Variants in VEPH1 observed in about 807,000 individuals in gnomAD.
VEPH1 encodes the protein ventricular zone expressed PH domain containing 1.
A neutral mutation model predicts 85.2 loss-of-function variants in VEPH1; 80 were observed. The observed-to-expected ratio is 0.94, with a 90% CI of 0.78 to 1.13. VEPH1 has a LOEUF of 1.13. Among genes scored for constraint, VEPH1 ranks in the 50% most tolerant of loss-of-function variants. The probability of loss-of-function intolerance (pLI) is 0.00; values close to 1 mark genes in which losing one functional copy is unlikely to be tolerated. For missense variants in VEPH1, 955 were observed against 980.5 expected (o/e 0.97, Z 0.35); for synonymous variants, 297 against 348.0 (o/e 0.85, Z 1.63).
At chr3:157,347,982 G>C (rs1224998351) in intron 9 of VEPH1, among the ~76,000 whole-genome samples, 1 of 152,158 alleles carries the variant, frequency 6.6e-6, no homozygotes, top group Non-Finnish European at 1.5e-5. Context: ...CTCCTCTGGG[G>C]GTCAGTGGCC....
rs149666174 is a variant in VEPH1 at position 157,430,632 on chromosome 3, G to C, written c.530-2144C>G. Among the ~76,000 whole-genome samples the C allele has an allele frequency of 3.6e-3, 541 of 152,306 alleles. 9 individuals carry two copies. Among genetic ancestry groups the C allele is most frequent in the African/African-American group, 0.013 (526 of 41,568 alleles). Reference sequence around the variant, plus strand: ...GGCATATCTTTAAAACACAGATGTTGATTCAACAGGTTGGAGGTAGGGTTT... The same window carrying C: ...GGCATATCTTTAAAACACAGATGTTCATTCAACAGGTTGGAGGTAGGGTTT... On this transcript the variant is annotated intron_variant, in intron 4 of 13. Coordinates refer to ENST00000362010, the MANE Select transcript of VEPH1 (RefSeq NM_001167912.2).
intron 9 of VEPH1, among the ~76,000 whole-genome samples, chr3:157,343,191 A>G (rs563573945): frequency 2.6e-5 from 4 of 152,336 alleles, no homozygotes; most frequent in African/African-American, 9.6e-5. Flanking sequence ...GCAGAACTGA[A>G]GGAGATAGAG....
intron 6 of VEPH1, among the ~76,000 whole-genome samples, chr3:157,385,925 T>C (rs1560018310): frequency 6.6e-6 from 1 of 152,202 alleles, no homozygotes; most frequent in Non-Finnish European, 1.5e-5. Context: ...TTTACTGTGT[T>C]AGGCATATCT....
At chr3:157,267,356 C>G (rs992741124) in intron 12 of VEPH1, among the ~76,000 whole-genome samples, 5 of 150,472 alleles carry the variant, frequency 3.3e-5, no homozygotes, top group African/African-American at 1.2e-4. Flanking sequence ...CCTGGCGTCC[C>G]AAAGTGCTGG....
Position 157,442,769 on chromosome 3 carries a change from A to G in VEPH1, c.530-14281T>C, listed in dbSNP as rs3749295. Reference sequence around the variant, plus strand: ...AGGGAGGAATCCTGCAGATTGGCCAAGAAAAGAATGGCTGCTGTGTGGGTG... The same window carrying G: ...AGGGAGGAATCCTGCAGATTGGCCAGGAAAAGAATGGCTGCTGTGTGGGTG... On this transcript the variant is annotated intron_variant, in intron 4 of 13. Transcript: ENST00000362010. 41 of 1,614,252 alleles carry G rather than the reference A, an allele frequency of 2.5e-5. No homozygotes were observed. The East Asian group carries it at 8.7e-4, about 34-fold the overall frequency.
chr3:157,428,019 G>A (rs147278203), intron 5 of VEPH1, among the ~76,000 whole-genome samples: 27 of 152,304 alleles, frequency 1.8e-4, no homozygotes, highest in African/African-American at 5.5e-4. Flanking sequence ...GTCTTCTCCT[G>A]TCCTCAGACT....
In VEPH1 at chr3:157,442,860, C is replaced by A. The variant is rs146705881; in HGVS notation, c.530-14372G>T. On this transcript the variant is annotated intron_variant, in intron 4 of 13. Transcript: ENST00000362010. ...AGGCTTCAATATCTGGGATAGTGTTCTTAGCAATGAAGAGATAAGAGAGAC... is the reference window on the plus strand; with the variant it reads ...AGGCTTCAATATCTGGGATAGTGTTATTAGCAATGAAGAGATAAGAGAGAC... 21 of 1,614,020 alleles carry A rather than the reference C, an allele frequency of 1.3e-5. No individual in the cohort carries two copies. The African/African-American group carries it at 2.4e-4, about 18-fold the overall frequency.
intron 2 of VEPH1, among the ~76,000 whole-genome samples, chr3:157,481,142 T>A (rs1399194012): frequency 6.6e-6 from 1 of 152,130 alleles, no homozygotes; most frequent in African/African-American, 2.4e-5. Flanking sequence ...TTAATGGGAC[T>A]AATTGTTTTT....
At chr3:157,413,444 G>T in intron 6 of VEPH1, 1 of 984,556 alleles carries the variant, frequency 1.0e-6, no homozygotes, top group Non-Finnish European at 1.2e-6. Context: ...ATCTAATTCT[G>T]TGCTTACTGA....
chr3:157,390,308 G>A (rs1305490466), intron 6 of VEPH1, among the ~76,000 whole-genome samples: 1 of 152,204 alleles, frequency 6.6e-6, no homozygotes, highest in African/African-American at 2.4e-5. Flanking sequence ...CCCATAGAAT[G>A]AGAATCCAAT....
intron 11 of VEPH1, among the ~76,000 whole-genome samples, chr3:157,293,214 C>T (rs1717737427): frequency 6.6e-6 from 1 of 152,092 alleles, no homozygotes; most frequent in South Asian, 2.1e-4. Flanking sequence ...GGGGAGCAGA[C>T]TCTAAGCAGA....
chr3:157,357,948 T>G (rs1725629719), intron 9 of VEPH1, among the ~76,000 whole-genome samples: 1 of 152,224 alleles, frequency 6.6e-6, no homozygotes, highest in Non-Finnish European at 1.5e-5. Context: ...AAGTCATGGA[T>G]GCAAGTAGGT....
At chr3:157,425,195 C>A (rs1176738636) in intron 5 of VEPH1, among the ~76,000 whole-genome samples, 4 of 152,186 alleles carry the variant, frequency 2.6e-5, no homozygotes, top group Admixed American at 2.6e-4. Context: ...TGGTGTTGAT[C>A]CTGTGGGTGC....
chr3:157,399,769 T>C (rs73020261), intron 6 of VEPH1, among the ~76,000 whole-genome samples: 10,243 of 152,180 alleles, frequency 0.067, 509 homozygotes, highest in South Asian at 0.18. Flanking sequence ...GAGTCAATAA[T>C]CTTTTAACAG....
chr3:157,439,793 C>G (rs563141091), intron 4 of VEPH1, among the ~76,000 whole-genome samples: 1 of 152,322 alleles, frequency 6.6e-6, no homozygotes, highest in African/African-American at 2.4e-5. Flanking sequence ...CTCTGTCGCC[C>G]AGGCTGGAGT....
chr3:157,274,584 A>T (rs775230738), intron 12 of VEPH1, among the ~76,000 whole-genome samples: 11 of 152,062 alleles, frequency 7.2e-5, no homozygotes, highest in Non-Finnish European at 1.2e-4. Flanking sequence ...TGGAACCTTG[A>T]ACTCCTGGGC....
At chr3:157,335,000 T>G (rs1420019370) in intron 9 of VEPH1, among the ~76,000 whole-genome samples, 2 of 152,192 alleles carry the variant, frequency 1.3e-5, no homozygotes, top group Non-Finnish European at 2.9e-5. Flanking sequence ...ATGAGGACAG[T>G]GCTAACTACA....
chr3:157,429,328 G>T (rs975514644), intron 4 of VEPH1, among the ~76,000 whole-genome samples: 1 of 151,930 alleles, frequency 6.6e-6, no homozygotes, highest in Non-Finnish European at 1.5e-5. Context: ...GTATATAGAA[G>T]CCATACACAG....
At chr3:157,292,983 C>CAAAAAAA (rs11349713) in intron 11 of VEPH1, among the ~76,000 whole-genome samples, 3 of 110,058 alleles carry the variant, frequency 2.7e-5, no homozygotes, top group African/African-American at 3.5e-5. Context: ...AACTCCACCT[C>CAAAAAAA]AAAAAAAAAA....
Sources: gnomAD v4.1 joint callset for allele counts (sites outside exome capture counted in the v4.1 genomes callset) on GRCh38, gnomAD v4.1.1 for gene constraint, MANE v1.5 for transcripts, NCBI Gene and HGNC (gene_info 2026-07-23, HGNC 2026-07-21) for gene names.